NDUFAF7: variants seen among roughly 807,000 people sequenced by gnomAD.
NDUFAF7 encodes NADH:ubiquinone oxidoreductase complex assembly factor 7, also known as protein arginine methyltransferase NDUFAF7, mitochondrial.
In NDUFAF7, 48 loss-of-function variants were observed where a neutral mutation model predicts 47.2. That is an observed-to-expected ratio of 1.02 (90% CI 0.81 to 1.29). The LOEUF is 1.29. Ranked by LOEUF, NDUFAF7 falls within the 50% of genes most tolerant of loss-of-function variation. The probability of loss-of-function intolerance (pLI) is 0.00; values close to 1 mark genes in which losing one functional copy is unlikely to be tolerated. For synonymous variants in NDUFAF7, 217 were observed against 190.0 expected, an observed-to-expected ratio of 1.14 and a Z score of -1.17; for missense variants, 635 against 537.6, an observed-to-expected ratio of 1.18 and a Z score of -1.79.
chr2:37,256,399 T>G (rs1196013987), downstream of NDUFAF7, among the ~76,000 whole-genome samples: 2 of 152,162 alleles, frequency 1.3e-5, no homozygotes, highest in Admixed American at 6.5e-5. Flanking sequence ...GTAAGACAGT[T>G]AAAAAGATAT....
downstream of NDUFAF7, chr2:37,254,281 G>A (rs765680797): frequency 8.1e-6 from 13 of 1,612,382 alleles, no homozygotes; most frequent in Non-Finnish European, 1.0e-5. Context: ...TTGTTTATCA[G>A]ATCAATTGCT....
the NDUFAF7 span, among the ~76,000 whole-genome samples, chr2:37,260,791 G>A: frequency 2.0e-5 from 3 of 152,000 alleles, no homozygotes; most frequent in Non-Finnish European, 4.4e-5. Flanking sequence ...TTGCTTAAGA[G>A]TTTTATTTCT....
chr2:37,265,355 T>C, the NDUFAF7 span, among the ~76,000 whole-genome samples: 1 of 152,224 alleles, frequency 6.6e-6, no homozygotes, highest in Non-Finnish European at 1.5e-5. Flanking sequence ...TGAGGTGTGA[T>C]TTTTAAAAAG....
chr2:37,244,788 T>G (rs1666731455), intron 7 of NDUFAF7, among the ~76,000 whole-genome samples: 1 of 152,224 alleles, frequency 6.6e-6, no homozygotes, highest in Non-Finnish European at 1.5e-5. Flanking sequence ...GACTGAACAC[T>G]TATGAACACC....
At position 37,243,950 on chromosome 2, in the gene NDUFAF7, ACCCC is replaced by A; in HGVS notation, c.770_773del (p.Thr257LysfsTer34). The A allele has an allele frequency of 6.2e-7, 1 of 1,612,680 alleles. No homozygotes were observed. The highest frequency in any genetic ancestry group is 8.5e-7 in the Non-Finnish European group (1 of 1,178,824). On this transcript the variant is annotated frameshift_variant, in exon 7 of 10. Transcript: ENST00000002125. LOFTEE classifies it high-confidence loss of function. ...GAGGTTTGTTTTGGCACCTTCTGCC[ACCCC>A]AGCAGAAGCCTTCATACAAGTAAGA...
chr2:37,238,657 T>G (rs545419835), intron 4 of NDUFAF7, among the ~76,000 whole-genome samples: 3 of 152,126 alleles, frequency 2.0e-5, no homozygotes, highest in East Asian at 3.9e-4. Flanking sequence ...ACATTAAAAT[T>G]AAAAACTTCT....
chr2:37,261,462 G>A, the NDUFAF7 span, among the ~76,000 whole-genome samples: 2 of 151,244 alleles, frequency 1.3e-5, no homozygotes, highest in African/African-American at 4.9e-5. Flanking sequence ...ACTCCAGCCT[G>A]GGAGACAGAG....
chr2:37,241,597 C>T lies in NDUFAF7; in HGVS notation c.428C>T (p.Ser143Phe). 1 of 1,613,480 alleles carries T rather than the reference C, an allele frequency of 6.2e-7. No homozygotes were observed. Among genetic ancestry groups the T allele is most frequent in the Non-Finnish European group, 8.5e-7 (1 of 1,179,750 alleles). ...DILRVFTQLG[S>F]VLKNCDISVH... ...ATTTAGGTGTTCACTCAACTTGGAT[C>T]TGTGCTGAAAAATTGTGACATTTCA... Residue 143 changes from serine to phenylalanine, a missense_variant, in exon 5 of 10, where the codon TCT becomes TTT. Physicochemically the swap from Ser to Phe is radical, Grantham distance 155. Transcript: ENST00000002125.
chr2:37,259,052 G>GAA, the NDUFAF7 span, among the ~76,000 whole-genome samples: 3,339 of 148,754 alleles, frequency 0.022, 59 homozygotes, highest in Middle Eastern at 0.034. Flanking sequence ...TGAACACTTG[G>GAA]AAAAAAAAAA....
At chr2:37,241,233 A>C (rs1200323750) in intron 4 of NDUFAF7, among the ~76,000 whole-genome samples, 1 of 152,094 alleles carries the variant, frequency 6.6e-6, no homozygotes, top group Non-Finnish European at 1.5e-5. Context: ...AGACCTAGAG[A>C]TGTTATCAAA....
chr2:37,263,427 A>C, the NDUFAF7 span, among the ~76,000 whole-genome samples: 3 of 152,144 alleles, frequency 2.0e-5, no homozygotes, highest in Non-Finnish European at 4.4e-5. Context: ...GGTCAGTATA[A>C]TCTGCTTAGA....
downstream of NDUFAF7, chr2:37,252,996 T>C (rs1026208728): frequency 1.4e-5 from 7 of 493,972 alleles, no homozygotes; most frequent in African/African-American, 1.2e-4. Flanking sequence ...TATGACTTCT[T>C]ATTATTCAGT....
chr2:37,247,120 C>CT (rs139379195), intron 8 of NDUFAF7, among the ~76,000 whole-genome samples: 6,353 of 152,206 alleles, frequency 0.042, 410 homozygotes, highest in African/African-American at 0.14. Flanking sequence ...GTGTTTAGCT[C>CT]TAAGTGAGAT....
At chr2:37,255,464 A>G (rs1032605499), downstream of NDUFAF7, among the ~76,000 whole-genome samples, 3 of 152,194 alleles carry the variant, frequency 2.0e-5, no homozygotes, top group African/African-American at 4.8e-5. Context: ...AAAGAGGGCC[A>G]GCCAACTTAT....
At chr2:37,247,716 G>A (rs1191354245) in intron 9 of NDUFAF7, 87 bp downstream of exon 9, 1 of 1,462,250 alleles carries the variant, frequency 6.8e-7, no homozygotes, top group Admixed American at 1.7e-5. Context: ...TGGCCTTAAT[G>A]CTCTTGTAGT....
intron 7 of NDUFAF7, among the ~76,000 whole-genome samples, chr2:37,244,583 T>TGGACAACAAAA (rs1666716777): frequency 2.6e-5 from 4 of 152,186 alleles, no homozygotes; most frequent in Admixed American, 2.6e-4. Context: ...AAAAAATCCC[T>TGGACAACAAAA]GTACTTCTCA....
At chr2:37,246,003 C>G in intron 7 of NDUFAF7, 49 bp from the exon 8 acceptor site, 1 of 1,602,618 alleles carries the variant, frequency 6.2e-7, no homozygotes, top group Non-Finnish European at 8.5e-7. Context: ...GTAAGGAAGT[C>G]ATTCTTTTGA....
the NDUFAF7 span, chr2:37,268,218 T>G: frequency 2.3e-6 from 1 of 430,268 alleles, no homozygotes; most frequent in Non-Finnish European, 4.7e-6. Context: ...TTAGATTAAC[T>G]CATTTGTCTC....
chr2:37,252,956 A>AGTT (rs1195440060), downstream of NDUFAF7: 2 of 375,954 alleles, frequency 5.3e-6, no homozygotes, highest in African/African-American at 4.2e-5. Context: ...AGGCTAAAAA[A>AGTT]GTTTATAAAA....
Sources: gnomAD v4.1 joint callset for allele counts (sites outside exome capture counted in the v4.1 genomes callset) on GRCh38, gnomAD v4.1.1 for gene constraint, MANE v1.5 for transcripts, NCBI Gene and HGNC (gene_info 2026-07-23, HGNC 2026-07-21) for gene names.